PCDH11X: variants seen among roughly 807,000 people sequenced by gnomAD.
The protein encoded by PCDH11X is protocadherin-11 X-linked.
PCDH11X carries 18 observed loss-of-function variants against 53.3 expected under a neutral mutation model. The ratio of observed to expected loss-of-function variants is 0.34; its 90% CI spans 0.23 to 0.50. The LOEUF is 0.50. Ranked by LOEUF, PCDH11X falls within the 20% of genes least tolerant of loss-of-function variation. The pLI is 0.98. For missense variants in PCDH11X, 570 were observed against 1,032.4 expected (o/e 0.55, Z 6.14); for synonymous variants, 279 against 393.3 (o/e 0.71, Z 3.44).
At chrX:92,000,660 G>T (rs1387291648) in intron 6 of PCDH11X, among the ~76,000 whole-genome samples, 1 of 110,355 alleles carries the variant, frequency 9.1e-6, no homozygotes, top group Non-Finnish European at 1.9e-5. Flanking sequence ...CTACCGATTT[G>T]TAGTCTTGTT....
intron 6 of PCDH11X, among the ~76,000 whole-genome samples, chrX:92,088,102 T>G (rs200193016): frequency 0.023 from 2,517 of 107,452 alleles, 69 homozygotes; most frequent in African/African-American, 0.08. Context: ...TTAAAGTTAT[T>G]ACAGCTATAT....
At chrX:91,832,376 A>C (rs1234033737) in intron 4 of PCDH11X, among the ~76,000 whole-genome samples, 4 of 108,371 alleles carry the variant, frequency 3.7e-5, no homozygotes, top group Non-Finnish European at 7.6e-5. Context: ...CATCATTCTC[A>C]GCAAACTATT....
chrX:91,899,270 G>C (rs1940866715), intron 6 of PCDH11X, among the ~76,000 whole-genome samples: 1 of 110,838 alleles, frequency 9.0e-6, no homozygotes, highest in Non-Finnish European at 1.9e-5. Flanking sequence ...TCCGATGTTT[G>C]AGGGCAGGAA....
intron 8 of PCDH11X, among the ~76,000 whole-genome samples, chrX:92,382,211 G>C (rs2070892091): frequency 9.0e-6 from 1 of 111,619 alleles, no homozygotes; most frequent in Non-Finnish European, 1.9e-5. Context: ...TAAATCAAAA[G>C]CAAACTTGCA....
intron 10 of PCDH11X, among the ~76,000 whole-genome samples, chrX:92,568,592 C>A (rs1921808318): frequency 9.1e-6 from 1 of 109,577 alleles, no homozygotes; most frequent in East Asian, 2.8e-4. Flanking sequence ...AAGAGCTCTG[C>A]CTTTTTGAGT....
chrX:92,038,439 G>T (rs975601329), intron 6 of PCDH11X, among the ~76,000 whole-genome samples: 9 of 111,211 alleles, frequency 8.1e-5, no homozygotes, highest in Middle Eastern at 4.6e-3. Flanking sequence ...CAAGCCTCAA[G>T]CTTTGGCAGT....
intron 6 of PCDH11X, among the ~76,000 whole-genome samples, chrX:92,043,288 C>G (rs1307632655): frequency 1.8e-5 from 2 of 109,624 alleles, no homozygotes; most frequent in Admixed American, 1.0e-4. Context: ...GTGATCTTAG[C>G]TTTACTGTTT....
At chrX:92,164,299 A>C (rs769230002) in intron 6 of PCDH11X, among the ~76,000 whole-genome samples, 1 of 112,407 alleles carries the variant, frequency 8.9e-6, no homozygotes, top group Non-Finnish European at 1.9e-5. Flanking sequence ...GGACAAGTAC[A>C]GGTTTGCTGA....
intron 10 of PCDH11X, among the ~76,000 whole-genome samples, chrX:92,488,629 C>CT (rs1284474009): frequency 1.8e-5 from 2 of 110,384 alleles, no homozygotes; most frequent in Admixed American, 9.8e-5. Flanking sequence ...ATCTATTAGA[C>CT]TCAGGCAAGC....
At chrX:92,309,474 G>C (rs1477652469) in intron 8 of PCDH11X, among the ~76,000 whole-genome samples, 1 of 111,448 alleles carries the variant, frequency 9.0e-6, no homozygotes, top group Non-Finnish European at 1.9e-5. Context: ...TAGAAAGTAA[G>C]ATGGTTGTTG....
intron 10 of PCDH11X, among the ~76,000 whole-genome samples, chrX:92,553,273 G>A (rs901730326): frequency 9.4e-6 from 1 of 106,152 alleles, no homozygotes; most frequent in Non-Finnish European, 1.9e-5. Flanking sequence ...TTGTCTGTTC[G>A]GGTTTCAGAG....
Position 92,615,748 on chromosome X carries a change from T to C in PCDH11X, c.3368-2516T>C, listed in dbSNP as rs761668348. On this transcript the variant is annotated intron_variant, in intron 10 of 10. Coordinates refer to ENST00000682573, the MANE Select transcript of PCDH11X (RefSeq NM_032968.5). Reference sequence around the variant, plus strand: ...GGCAAATTTCTGTAGTTTTTCCTGGTGTTTTCCCCTCAGGTCTCCAAGCCT... The same window carrying C: ...GGCAAATTTCTGTAGTTTTTCCTGGCGTTTTCCCCTCAGGTCTCCAAGCCT... Among the ~76,000 whole-genome samples the C allele has an allele frequency of 4.7e-5, 5 of 106,514 alleles. No individual in the cohort carries two copies. In the South Asian group the frequency reaches 2.2e-3, roughly 47 times the overall value. 92.5% of individuals were successfully genotyped at this position (106,514 alleles called of 115,157 possible).
chrX:92,108,932 G>C (rs2064442907), intron 6 of PCDH11X, among the ~76,000 whole-genome samples: 1 of 111,597 alleles, frequency 9.0e-6, no homozygotes, highest in Non-Finnish European at 1.9e-5. Flanking sequence ...GGTTCACCTT[G>C]CCCGCTGCCT....
chrX:92,193,880 G>T (rs1288759779), intron 6 of PCDH11X, among the ~76,000 whole-genome samples: 1 of 111,732 alleles, frequency 8.9e-6, no homozygotes, highest in East Asian at 2.8e-4. Context: ...TGATGGAATG[G>T]TTTTCCCTTC....
intron 8 of PCDH11X, among the ~76,000 whole-genome samples, chrX:92,310,124 T>C (rs1184397285): frequency 4.5e-5 from 5 of 111,995 alleles, no homozygotes; most frequent in South Asian, 3.7e-4. Flanking sequence ...TTGTTTCCTA[T>C]GTACTACTCT....
In PCDH11X at chrX:92,493,716, G is replaced by A. The variant is rs754230038; in HGVS notation, c.3367+25394G>A. On this transcript the variant is annotated intron_variant, in intron 10 of 10. Transcript: ENST00000682573. ...GGCTGGAGTGCAATGGCATGATCTC[G>A]GCTCACTGCAACTTCCTCCTCTCAG... 3.3e-3 allele frequency among the ~76,000 whole-genome samples: 323 copies of A among 99,013 alleles called. 2 individuals carry two copies. The highest frequency in any genetic ancestry group is 0.012 in the African/African-American group (311 of 26,607). The allele number at this position is 99,013 out of a possible 115,157, so 86.0% of individuals were successfully genotyped here.
At chrX:92,271,005 G>T (rs1012378978) in intron 8 of PCDH11X, among the ~76,000 whole-genome samples, 2 of 111,626 alleles carry the variant, frequency 1.8e-5, no homozygotes, top group Admixed American at 1.9e-4. Context: ...TAACTACCGC[G>T]ATTCTCTGAA....
At chrX:92,514,908 G>GTATT (rs2074232759) in intron 10 of PCDH11X, among the ~76,000 whole-genome samples, 1 of 105,844 alleles carries the variant, frequency 9.4e-6, no homozygotes, top group East Asian at 3.0e-4. Context: ...TTAGCCAGGC[G>GTATT]TGGTGGCGGG....
intron 8 of PCDH11X, among the ~76,000 whole-genome samples, chrX:92,324,955 G>A (rs945570268): frequency 1.8e-4 from 20 of 109,804 alleles, no homozygotes; most frequent in Non-Finnish European, 3.0e-4. Context: ...GTGTTAATTC[G>A]TTTAGGATAA....
Sources: gnomAD v4.1 joint callset for allele counts (sites outside exome capture counted in the v4.1 genomes callset) on GRCh38, gnomAD v4.1.1 for gene constraint, MANE v1.5 for transcripts, NCBI Gene and HGNC (gene_info 2026-07-23, HGNC 2026-07-21) for gene names.